Variants in ARID1B observed in about 807,000 individuals in gnomAD.
The protein encoded by ARID1B is AT-rich interactive domain-containing protein 1B.
Under a neutral mutation model 212.3 loss-of-function variants are expected in ARID1B, and 30 were observed. The ratio of observed to expected loss-of-function variants is 0.14; its 90% CI spans 0.11 to 0.19. The LOEUF is 0.19. ARID1B is among the 10% of genes least tolerant of loss of function. The probability of loss-of-function intolerance (pLI) is 1.00; values close to 1 mark genes in which losing one functional copy is unlikely to be tolerated. For synonymous variants in ARID1B, 1,402 were observed against 1,301.7 expected (o/e 1.08, Z -1.66); for missense variants, 2,891 against 3,204.0 (o/e 0.90, Z 2.36).
chr6:156,844,902 C>T (rs1784128637), intron 2 of ARID1B, among the ~76,000 whole-genome samples: 2 of 152,170 alleles, frequency 1.3e-5, no homozygotes, highest in Admixed American at 1.3e-4. Flanking sequence ...GAAATGTATA[C>T]ATCACCAGTT....
At chr6:156,781,913 A>G (rs1165379047) in intron 1 of ARID1B, among the ~76,000 whole-genome samples, 1 of 142,546 alleles carries the variant, frequency 7.0e-6, no homozygotes, top group Non-Finnish European at 1.5e-5. Context: ...AATCATTTTC[A>G]GTATTTTGTT....
At chr6:156,869,039 A>G (rs1583187366) in intron 2 of ARID1B, among the ~76,000 whole-genome samples, 1 of 152,186 alleles carries the variant, frequency 6.6e-6, no homozygotes, top group African/African-American at 2.4e-5. Context: ...TTAAAAAAAA[A>G]TGAATTTGTT....
At chr6:156,933,327 G>A (rs1346567314) in intron 3 of ARID1B, among the ~76,000 whole-genome samples, 2 of 152,132 alleles carry the variant, frequency 1.3e-5, no homozygotes, top group African/African-American at 4.8e-5. Flanking sequence ...TTTGCCCATT[G>A]TGAGGCTGTC....
intron 16 of ARID1B, 103 bp downstream of exon 16, chr6:157,196,418 A>C: frequency 2.9e-6 from 4 of 1,385,260 alleles, no homozygotes; most frequent in Non-Finnish European, 3.9e-6. Flanking sequence ...ATGACAATAT[A>C]CAGTGTCCCC....
At chr6:157,135,587 G>A (rs898462839) in intron 7 of ARID1B, among the ~76,000 whole-genome samples, 1 of 152,144 alleles carries the variant, frequency 6.6e-6, no homozygotes, top group Non-Finnish European at 1.5e-5. Flanking sequence ...GCATCAGCTC[G>A]GAGCGCTGTG....
At chr6:157,039,682 C>CTTCTTTCTTTCTTTCTTTCTTTCT (rs1562569236) in intron 4 of ARID1B, among the ~76,000 whole-genome samples, 1 of 75,490 alleles carries the variant, frequency 1.3e-5, no homozygotes, top group African/African-American at 4.8e-5. Context: ...TCCTTCCTTC[C>CTTCTTTCTTTCTTTCTTTCTTTCT]TTCCTTCCTT....
At chr6:157,027,397 G>A (rs146370537) in intron 4 of ARID1B, among the ~76,000 whole-genome samples, 1 of 152,292 alleles carries the variant, frequency 6.6e-6, no homozygotes, top group East Asian at 1.9e-4. Context: ...TGTGATAAAT[G>A]TCTTTGGTCG....
rs1793917860 is a variant in ARID1B at position 156,955,739 on chromosome 6, T to TGG, written c.2247+20163_2247+20164insGG. ...CCTATGCCCATCTCCAGAAGGGCCCTAGAAACAGAGCCTGGATGTCATGGG... is the reference window on the plus strand; with the variant it reads ...CCTATGCCCATCTCCAGAAGGGCCCTGGAGAAACAGAGCCTGGATGTCATGGG... On this transcript the variant is annotated intron_variant, in intron 4 of 19. Coordinates refer to ENST00000636930, the MANE Select transcript of ARID1B (RefSeq NM_001374828.1). This position sits in a 1 kb window ranked among gnomAD's most constrained non-coding sequence, Gnocchi z 4.2. Among the ~76,000 whole-genome samples, 1 of 152,146 alleles carries TGG rather than the reference T, an allele frequency of 6.6e-6. No homozygotes were observed. The highest frequency in any genetic ancestry group is 6.5e-5 in the Admixed American group (1 of 15,278).
chr6:157,089,938 A>C (rs1435220022), intron 5 of ARID1B, among the ~76,000 whole-genome samples: 1 of 152,086 alleles, frequency 6.6e-6, no homozygotes, highest in Non-Finnish European at 1.5e-5. Flanking sequence ...TGGCGTTAGG[A>C]GGGCTGCTGG....
chr6:156,874,012 G>A (rs1786348032), intron 2 of ARID1B, among the ~76,000 whole-genome samples: 1 of 152,190 alleles, frequency 6.6e-6, no homozygotes, highest in South Asian at 2.1e-4. Flanking sequence ...CAGTGCCAAA[G>A]AGTCATATTG....
rs550979407 is a variant in ARID1B, at chr6:157,200,083, G to A, written c.4480-622G>A. On this transcript the variant is annotated intron_variant, in intron 17 of 19. Coordinates refer to ENST00000636930, the MANE Select transcript of ARID1B (RefSeq NM_001374828.1). This position sits in a 1 kb window ranked among gnomAD's most constrained non-coding sequence, Gnocchi z 4.3. The stretch of plus-strand genomic sequence containing the variant: ...CCTACCCCGATTAAGCACTGGTCCC[G>A]GAGCATCCTGGGAAGCAAGCTTAAT... Among the ~76,000 whole-genome samples, 15 of 152,212 alleles carry A rather than the reference G, an allele frequency of 9.9e-5. No homozygotes were observed. The highest frequency in any genetic ancestry group is 3.9e-4 in the East Asian group (2 of 5,180).
intron 6 of ARID1B, among the ~76,000 whole-genome samples, chr6:157,116,175 A>G (rs1253198482): frequency 1.3e-5 from 2 of 152,210 alleles, no homozygotes; most frequent in Non-Finnish European, 2.9e-5. Context: ...ATAAATAAGT[A>G]TAATAATTAT....
intron 4 of ARID1B, among the ~76,000 whole-genome samples, chr6:157,058,511 C>T (rs747380544): frequency 2.0e-5 from 3 of 152,214 alleles, no homozygotes; most frequent in Admixed American, 1.3e-4. Flanking sequence ...GTGATCCACA[C>T]GCCTCGGCAT....
rs866509202 is a variant in ARID1B, at chr6:157,146,362, C to T, written c.2762-2262C>T. On this transcript the variant is annotated intron_variant, in intron 7 of 19. Transcript: ENST00000636930. Reference sequence around the variant, plus strand: ...ACAAGAAAAGATGCAAGCAACTCCCCTAAGGTCCTACAGGCAGGCAGTGCA... The same window carrying T: ...ACAAGAAAAGATGCAAGCAACTCCCTTAAGGTCCTACAGGCAGGCAGTGCA... 6.6e-5 allele frequency among the ~76,000 whole-genome samples: 10 copies of T among 152,268 alleles called. 1 individual carries two copies. In the Middle Eastern group the frequency reaches 0.017, roughly 259 times the overall value.
At chr6:156,793,017 C>T (rs536177647) in intron 1 of ARID1B, among the ~76,000 whole-genome samples, 2 of 152,222 alleles carry the variant, frequency 1.3e-5, no homozygotes, top group South Asian at 2.1e-4. Context: ...TGGGGGCTTT[C>T]GTGGACTGCA....
chr6:157,056,021 A>G (rs1782933698), intron 4 of ARID1B, among the ~76,000 whole-genome samples: 1 of 152,168 alleles, frequency 6.6e-6, no homozygotes. Context: ...CCACCCAGGA[A>G]TATCTCCTTT....
At chr6:157,126,378 G>T (rs567881028) in intron 6 of ARID1B, among the ~76,000 whole-genome samples, 1 of 152,210 alleles carries the variant, frequency 6.6e-6, no homozygotes, top group African/African-American at 2.4e-5. Flanking sequence ...TCCATAGGGG[G>T]TGTGTTGCTC....
At chr6:156,857,703 A>G (rs1785045552) in intron 2 of ARID1B, among the ~76,000 whole-genome samples, 1 of 152,252 alleles carries the variant, frequency 6.6e-6, no homozygotes, top group Non-Finnish European at 1.5e-5. Flanking sequence ...TTGGAAATAT[A>G]CAGTCATGTT....
chr6:156,806,419 C>A (rs917598323), intron 1 of ARID1B, among the ~76,000 whole-genome samples: 2 of 152,180 alleles, frequency 1.3e-5, no homozygotes, highest in East Asian at 1.9e-4. Context: ...CGTGTCCTTT[C>A]TTCTAAAAAC....
Sources: allele counts gnomAD v4.1 joint callset (sites outside exome capture counted in the v4.1 genomes callset), GRCh38; gene constraint gnomAD v4.1.1; non-coding constraint Gnocchi (gnomAD v3.1); transcripts MANE v1.5; gene names NCBI Gene and HGNC (gene_info 2026-07-23, HGNC 2026-07-21).